Variants in ROBO2 observed in about 807,000 individuals in gnomAD.
ROBO2 encodes the protein roundabout homolog 2.
Under a neutral mutation model 160.8 loss-of-function variants are expected in ROBO2, and 53 were observed. That is an observed-to-expected ratio of 0.33 (90% confidence interval 0.26 to 0.41). The LOEUF (loss-of-function observed/expected upper bound fraction) is 0.41, where lower values mean the gene tolerates loss of function less well. Ranked by LOEUF, ROBO2 falls within the 10% of genes least tolerant of loss-of-function variation. ROBO2 has a pLI of 1.00. For synonymous variants in ROBO2, 664 were observed against 611.7 expected, an observed-to-expected ratio of 1.09 and a Z score of -1.26; for missense variants, 1,577 against 1,722.4, an observed-to-expected ratio of 0.92 and a Z score of 1.49.
chr3:77,108,070 A>G (rs1219827989), intron 2 of ROBO2, among the ~76,000 whole-genome samples: 1 of 151,964 alleles, frequency 6.6e-6, no homozygotes, highest in African/African-American at 2.4e-5. Flanking sequence ...CATTTTATAT[A>G]AATCCACCTA....
intron 2 of ROBO2, among the ~76,000 whole-genome samples, chr3:76,491,924 G>C (rs1444770006): frequency 6.6e-6 from 1 of 152,050 alleles, no homozygotes; most frequent in Non-Finnish European, 1.5e-5. Context: ...GTGAAACCCA[G>C]TCTCTACTAA....
chr3:76,378,192 C>G (rs1427060087), intron 2 of ROBO2, among the ~76,000 whole-genome samples: 1 of 152,150 alleles, frequency 6.6e-6, no homozygotes, highest in East Asian at 1.9e-4. Context: ...AACCTCTATA[C>G]TCATTACTTT....
At chr3:77,275,228 G>C (rs2059752675) in intron 2 of ROBO2, among the ~76,000 whole-genome samples, 1 of 152,104 alleles carries the variant, frequency 6.6e-6, no homozygotes. Flanking sequence ...TTGTCCTGAA[G>C]ACAAAACTTT....
At chr3:76,591,228 C>T (rs1037842480) in intron 2 of ROBO2, among the ~76,000 whole-genome samples, 5 of 152,056 alleles carry the variant, frequency 3.3e-5, no homozygotes, top group African/African-American at 1.2e-4. Flanking sequence ...GTTAGAAAAT[C>T]ATAAGAAAGA....
chr3:76,222,728 C>T (rs72630380), intron 2 of ROBO2, among the ~76,000 whole-genome samples: 7,286 of 151,910 alleles, frequency 0.048, 366 homozygotes, highest in East Asian at 0.22. Flanking sequence ...CAGACTGATC[C>T]AAGTTTATGT....
At position 77,580,121 on chromosome 3, in the gene ROBO2, G is replaced by A; in HGVS notation, c.2500+3G>A. On this transcript the variant is annotated splice_donor_region_variant and intron_variant, in intron 16 of 25. Coordinates refer to ENST00000461745, the Ensembl canonical transcript of ROBO2. The stretch of plus-strand genomic sequence containing the variant: ...TGAGCCACAGCCAATAATAATCGGT[G>A]AGTATCAAACTATGTGGTCTGTGCT... 1 of 1,613,524 alleles carries A rather than the reference G, an allele frequency of 6.2e-7. No homozygotes were observed. The highest frequency in any genetic ancestry group is 8.5e-7 in the Non-Finnish European group (1 of 1,179,568).
At chr3:77,488,424 T>C (rs2085648999) in intron 4 of ROBO2, among the ~76,000 whole-genome samples, 1 of 152,226 alleles carries the variant, frequency 6.6e-6, no homozygotes. Context: ...CGTTTTTCAA[T>C]ATGTGGTCAG....
chr3:77,432,674 A>C (rs1356031452), intron 2 of ROBO2, among the ~76,000 whole-genome samples: 2 of 152,210 alleles, frequency 1.3e-5, no homozygotes, highest in African/African-American at 4.8e-5. Context: ...CTTTTGGTCC[A>C]CAAACCCAAC....
intron 2 of ROBO2, among the ~76,000 whole-genome samples, chr3:76,988,832 C>T (rs1190586330): frequency 1.4e-4 from 21 of 152,088 alleles, no homozygotes; most frequent in Admixed American, 1.4e-3. Context: ...TTTTCAAAAT[C>T]GAGTATCAAA....
chr3:76,403,360 A>G (rs747913631), intron 2 of ROBO2, among the ~76,000 whole-genome samples: 33 of 151,674 alleles, frequency 2.2e-4, no homozygotes, highest in Non-Finnish European at 4.6e-4. Context: ...ACTTAAAAAT[A>G]TTTGTCTATG....
At chr3:77,483,111 T>C (rs1235948853) in intron 4 of ROBO2, among the ~76,000 whole-genome samples, 5 of 152,124 alleles carry the variant, frequency 3.3e-5, no homozygotes, top group Non-Finnish European at 7.4e-5. Flanking sequence ...CTAGAGGCAG[T>C]TCCCCTGGCA....
chr3:77,143,174 CTTTTTTTTTTTTTT>C (rs10546673), intron 2 of ROBO2, among the ~76,000 whole-genome samples: 67 of 59,720 alleles, frequency 1.1e-3, no homozygotes, highest in African/African-American at 4.1e-3. Context: ...TAAACAGCAG[CTTTTTTTTTTTTTT>C]TTTTTTTTTT....
chr3:77,139,106 G>C (rs1450130643), intron 2 of ROBO2, among the ~76,000 whole-genome samples: 1 of 151,986 alleles, frequency 6.6e-6, no homozygotes, highest in Non-Finnish European at 1.5e-5. Context: ...AATTTGAGTT[G>C]AGATGAAACA....
chr3:77,405,201 A>G (rs1284089191), intron 2 of ROBO2, among the ~76,000 whole-genome samples: 2 of 152,202 alleles, frequency 1.3e-5, no homozygotes, highest in Admixed American at 6.6e-5. Context: ...ACTTACAACT[A>G]AATGGACAAA....
intron 2 of ROBO2, among the ~76,000 whole-genome samples, chr3:76,000,621 TG>T (rs2065859452): frequency 6.6e-6 from 1 of 151,840 alleles, no homozygotes; most frequent in Non-Finnish European, 1.5e-5. Flanking sequence ...CCCGAGTAGC[TG>T]GGACTACAGG....
intron 2 of ROBO2, among the ~76,000 whole-genome samples, chr3:77,366,258 A>G (rs937545241): frequency 6.6e-6 from 1 of 152,140 alleles, no homozygotes; most frequent in Admixed American, 6.6e-5. Flanking sequence ...TCTGCTACAG[A>G]CAATTCTTGT....
At chr3:77,070,101 A>T (rs1463344418) in intron 1 of ROBO2, among the ~76,000 whole-genome samples, 1 of 152,152 alleles carries the variant, frequency 6.6e-6, no homozygotes, top group Non-Finnish European at 1.5e-5. Context: ...TCTAAGCCAA[A>T]GAATGCCACA....
At chr3:77,003,526 G>A (rs1358247377) in intron 2 of ROBO2, among the ~76,000 whole-genome samples, 2 of 152,096 alleles carry the variant, frequency 1.3e-5, no homozygotes, top group Non-Finnish European at 2.9e-5. Flanking sequence ...TAGACTGACT[G>A]CAGGGTAGAC....
At chr3:76,649,106 G>A (rs1178950555) in intron 2 of ROBO2, among the ~76,000 whole-genome samples, 1 of 152,084 alleles carries the variant, frequency 6.6e-6, no homozygotes, top group Non-Finnish European at 1.5e-5. Flanking sequence ...AGTATTCTCA[G>A]AGGTGGTTTT....
Sources: gnomAD v4.1 joint callset for allele counts (sites outside exome capture counted in the v4.1 genomes callset) on GRCh38, gnomAD v4.1.1 for gene constraint, MANE v1.5 for transcripts, NCBI Gene and HGNC (gene_info 2026-07-23, HGNC 2026-07-21) for gene names.